The following NUP155 variants were observed in gnomAD, a reference collection of about 807,000 sequenced individuals.
NUP155 encodes the protein nucleoporin 155.
Under a neutral mutation model 180.4 loss-of-function variants are expected in NUP155, and 71 were observed. That is an observed-to-expected ratio of 0.39 (90% confidence interval 0.33 to 0.48). The LOEUF is 0.48. Ranked by LOEUF, NUP155 falls within the 20% of genes least tolerant of loss-of-function variation. The pLI, the probability that NUP155 is intolerant of heterozygous loss-of-function variation, is 0.91. For missense variants in NUP155, 1,553 were observed against 1,648.9 expected, an observed-to-expected ratio of 0.94 and a Z score of 1.01; for synonymous variants, 582 against 559.5, an observed-to-expected ratio of 1.04 and a Z score of -0.57.
intron 12 of NUP155, among the ~76,000 whole-genome samples, chr5:37,335,032 C>T (rs924759949): frequency 1.3e-5 from 2 of 151,922 alleles, no homozygotes; most frequent in South Asian, 4.1e-4. Flanking sequence ...GTGGCACACG[C>T]CTGTAATCCC....
chr5:37,347,989 C>G (rs1220221029), intron 9 of NUP155, among the ~76,000 whole-genome samples: 1 of 152,154 alleles, frequency 6.6e-6, no homozygotes. Flanking sequence ...ACAAAATTAG[C>G]TGGGCATGGT....
Position 37,290,755 on chromosome 5 carries a change from A to C in NUP155, c.*1145T>G, listed in dbSNP as rs1198315612. 6.6e-6 allele frequency: 1 copy of C among 152,176 alleles called. No homozygotes were observed. Among genetic ancestry groups the C allele is most frequent in the East Asian group, 1.9e-4 (1 of 5,194 alleles). The allele number at this position is 152,176 out of a possible 1,614,324, so 9.4% of individuals were successfully genotyped here. On this transcript the variant is annotated 3_prime_UTR_variant, in exon 35 of 35. Coordinates refer to ENST00000231498, the MANE Select transcript of NUP155 (RefSeq NM_153485.3). The stretch of plus-strand genomic sequence containing the variant: ...AGTATCCTTTACTGCAGTGGCTTTC[A>C]AATTTGACATGCACCAAAATCTCCT...
chr5:37,294,005 C>CAAAAAAAAAAAAAAAAATA lies in NUP155; in HGVS notation c.3930+323_3930+324insTATTTTTTTTTTTTTTTTT, dbSNP rs1742375151. On this transcript the variant is annotated intron_variant, in intron 33 of 34. Coordinates refer to ENST00000231498, the MANE Select transcript of NUP155 (RefSeq NM_153485.3). ...TGGGCAACAGAGCGAGACGCCGTCT[C>CAAAAAAAAAAAAAAAAATA]AAAAAAAAAAAAAAAAAAAAAAATA... is the stretch of plus-strand genomic sequence containing the variant. Among the ~76,000 whole-genome samples the CAAAAAAAAAAAAAAAAATA allele has an allele frequency of 1.1e-4, 4 of 37,282 alleles. No homozygotes were observed. In the Admixed American group the frequency reaches 1.5e-3, roughly 14 times the overall value. 24.5% of individuals were successfully genotyped at this position (37,282 alleles called of 152,430 possible).
At chr5:37,340,055 G>A (rs1039627222) in intron 11 of NUP155, among the ~76,000 whole-genome samples, 4 of 151,596 alleles carry the variant, frequency 2.6e-5, no homozygotes, top group Non-Finnish European at 4.4e-5. Flanking sequence ...CACTGCACCC[G>A]GCCCCACCTC....
Position 37,289,897 on chromosome 5 carries a change from C to T in NUP155, c.*2003G>A, listed in dbSNP as rs1742161207. On this transcript the variant is annotated 3_prime_UTR_variant, in exon 35 of 35. Coordinates refer to ENST00000231498, the MANE Select transcript of NUP155 (RefSeq NM_153485.3). ...CGAATTAATGTATCGCATACATTCA[C>T]TTTACATATTCAAAAAACGCTAAAC... 1 of 152,134 alleles carries T rather than the reference C, an allele frequency of 6.6e-6. No individual in the cohort carries two copies. The highest frequency in any genetic ancestry group is 1.5e-5 in the Non-Finnish European group (1 of 68,030). 9.4% of individuals were successfully genotyped at this position (152,134 alleles called of 1,614,324 possible).
At chr5:37,348,311 T>A (rs183622129) in intron 9 of NUP155, among the ~76,000 whole-genome samples, 194 bp downstream of exon 9, 177 of 151,462 alleles carry the variant, frequency 1.2e-3, no homozygotes, top group South Asian at 2.3e-3. Context: ...CTCAAAAAAA[T>A]AAATAAATAA....
At chr5:37,299,128 T>C (rs1425491117) in intron 31 of NUP155, 150 bp from the exon 32 acceptor site, 1 of 689,194 alleles carries the variant, frequency 1.5e-6, no homozygotes, top group African/African-American at 1.8e-5. Flanking sequence ...TCTGTTATTG[T>C]CTGAGATACT....
Position 37,351,983 on chromosome 5 carries a change from G to A in NUP155, c.557-627C>T, listed in dbSNP as rs569893633. On this transcript the variant is annotated intron_variant, in intron 5 of 34. Transcript: ENST00000231498. ...CATGCCTGTAATCCCAGCACTTTGG[G>A]AGGCCCAGGTGGGCAGATCACCTGA... Among the ~76,000 whole-genome samples the A allele has an allele frequency of 5.3e-5, 8 of 152,148 alleles. No individual in the cohort carries two copies. The East Asian group carries it at 1.4e-3, about 26-fold the overall frequency.
intron 32 of NUP155, among the ~76,000 whole-genome samples, chr5:37,296,448 T>C (rs1217128578): frequency 6.6e-6 from 1 of 151,998 alleles, no homozygotes. Context: ...CGGTGCAAGA[T>C]GTGCTTTGTT....
chr5:37,318,202 G>A (rs1382263238), intron 20 of NUP155, 117 bp from the exon 21 acceptor site: 2 of 730,856 alleles, frequency 2.7e-6, no homozygotes, highest in Admixed American at 2.0e-5. Context: ...AGAAGGTTGG[G>A]CAACCAACAC....
At chr5:37,326,968 T>C (rs1056280996) in intron 18 of NUP155, among the ~76,000 whole-genome samples, 4 of 152,172 alleles carry the variant, frequency 2.6e-5, no homozygotes, top group Admixed American at 2.6e-4. Flanking sequence ...CTCTTCCTAC[T>C]CCTCAGCCTA....
At chr5:37,293,756 T>C (rs1213723337) in intron 33 of NUP155, among the ~76,000 whole-genome samples, 1 of 122,034 alleles carries the variant, frequency 8.2e-6, no homozygotes, top group Non-Finnish European at 1.5e-5. Context: ...TCCCAGCACT[T>C]TGGGAGGCCG....
At position 37,291,969 on chromosome 5, in the gene NUP155, C is replaced by T. The variant is rs189615754; in HGVS notation, c.4107G>A (p.Ser1369=). 346 of 1,613,600 alleles carry T rather than the reference C, an allele frequency of 2.1e-4. 1 individual carries two copies. In the East Asian group the frequency reaches 7.1e-3, roughly 33 times the overall value. Residue 1369 remains serine (S), a synonymous_variant, in exon 35 of 35, where the codon TCG becomes TCA. Coordinates refer to ENST00000231498, the MANE Select transcript of NUP155 (RefSeq NM_153485.3). ...GYLVELQSMS[S]SVAVQAITGN... is the part of the protein sequence containing the mutation. ...CAGTGATGGCTTGTACTGCTACTGACGAGCTCATAGACTGGAGCTCAACAA... is the reference window on the plus strand; with the variant it reads ...CAGTGATGGCTTGTACTGCTACTGATGAGCTCATAGACTGGAGCTCAACAA...
In NUP155 at chr5:37,324,123, A is replaced by C; in HGVS notation, c.2092-16T>G. ...TACTTTCAATCTGTAAAAATGAAAGATTTTTCAAAAGTTTAAAAACACACC... is the reference window on the plus strand; with the variant it reads ...TACTTTCAATCTGTAAAAATGAAAGCTTTTTCAAAAGTTTAAAAACACACC... On this transcript the variant is annotated splice_polypyrimidine_tract_variant and intron_variant, in intron 19 of 34. Transcript: ENST00000231498. The C allele has an allele frequency of 6.4e-7, 1 of 1,554,264 alleles. No homozygotes were observed. Among genetic ancestry groups the C allele is most frequent in the Non-Finnish European group, 8.9e-7 (1 of 1,125,800 alleles).
At chr5:37,292,064 A>G in intron 34 of NUP155, 26 bp from the exon 35 acceptor site, 1 of 1,612,744 alleles carries the variant, frequency 6.2e-7, no homozygotes, top group African/African-American at 1.3e-5. Context: ...CACATGATTA[A>G]TTATACATTT....
At chr5:37,370,304 G>A (rs1259325522) in intron 1 of NUP155, among the ~76,000 whole-genome samples, 1 of 152,180 alleles carries the variant, frequency 6.6e-6, no homozygotes, top group Non-Finnish European at 1.5e-5. Flanking sequence ...CCCAGGAGGC[G>A]GAGGTTGCAA....
intron 1 of NUP155, among the ~76,000 whole-genome samples, chr5:37,364,644 T>TA (rs70978804): frequency 0.8 from 119,782 of 150,530 alleles, 47,991 homozygotes; most frequent in East Asian, 0.88. Flanking sequence ...TATTTTATTT[T>TA]TTTTTTTTTT....
At chr5:37,321,134 T>A (rs1744214612) in intron 20 of NUP155, among the ~76,000 whole-genome samples, 1 of 151,444 alleles carries the variant, frequency 6.6e-6, no homozygotes, top group South Asian at 2.1e-4. Flanking sequence ...TTATCTGAGG[T>A]CAAGAGTTCA....
intron 3 of NUP155, among the ~76,000 whole-genome samples, chr5:37,363,222 GTCTTTT>G (rs1747336675): frequency 6.6e-6 from 1 of 151,182 alleles, no homozygotes. Context: ...CCGATACAGT[GTCTTTT>G]TAATGCACGT....
Sources: allele counts gnomAD v4.1 joint callset (sites outside exome capture counted in the v4.1 genomes callset), GRCh38; gene constraint gnomAD v4.1.1; transcripts MANE v1.5; gene names NCBI Gene and HGNC (gene_info 2026-07-23, HGNC 2026-07-21).